COTL1: variants seen among roughly 807,000 people sequenced by gnomAD.
COTL1 encodes coactosin-like protein.
COTL1 carries 15 observed loss-of-function variants against 16.5 expected under a neutral mutation model. The ratio of observed to expected loss-of-function variants is 0.91; its 90% CI spans 0.61 to 1.40. COTL1 has a LOEUF of 1.40. Ranked by LOEUF, COTL1 falls within the 40% of genes most tolerant of loss-of-function variation. The pLI is 0.00. For synonymous variants in COTL1, 112 were observed against 85.3 expected (o/e 1.31, Z -1.73); for missense variants, 220 against 201.5 (o/e 1.09, Z -0.56).
At chr16:84,599,455 C>A (rs905300152) in intron 2 of COTL1, among the ~76,000 whole-genome samples, 1 of 152,194 alleles carries the variant, frequency 6.6e-6, no homozygotes, top group Non-Finnish European at 1.5e-5. Context: ...ACCCTAGAAA[C>A]TTTTTAGCGT....
chr16:84,601,951 T>C (rs931291357), intron 2 of COTL1, among the ~76,000 whole-genome samples: 1 of 152,156 alleles, frequency 6.6e-6, no homozygotes, highest in African/African-American at 2.4e-5. Flanking sequence ...GAAGGGCATA[T>C]GATGCAGCTG....
At chr16:84,581,423 C>A (rs1042778867) in intron 3 of COTL1, among the ~76,000 whole-genome samples, 3 of 152,200 alleles carry the variant, frequency 2.0e-5, no homozygotes, top group Non-Finnish European at 4.4e-5. Flanking sequence ...GGGGGAGCAG[C>A]AGCCTCGTAA....
Position 84,566,574 on chromosome 16 carries a change from T to C in COTL1, c.*271A>G. 2.5e-6 allele frequency: 1 copy of C among 392,408 alleles called. No individual in the cohort carries two copies. The allele number at this position is 392,408 out of a possible 1,614,324, so 24.3% of individuals were successfully genotyped here. A position where few individuals can be genotyped will look rare whatever the true frequency, so the allele number is the denominator to read the frequency against. Reference sequence around the variant, plus strand: ...ATCTGATGGCAGGCAGGACCTTGCATCAAAATGACTTTTCTTTAGAACAAA... The same window carrying C: ...ATCTGATGGCAGGCAGGACCTTGCACCAAAATGACTTTTCTTTAGAACAAA... On this transcript the variant is annotated 3_prime_UTR_variant, in exon 4 of 4. Coordinates refer to ENST00000262428, the MANE Select transcript of COTL1 (RefSeq NM_021149.5).
Position 84,590,149 on chromosome 16 carries a change from C to T in COTL1, c.274G>A (p.Ala92Thr), listed in dbSNP as rs767688568. The change falls in exon 3 of 4, where the codon GCC becomes ACC. Residue 92 changes from alanine (A) to threonine (T), a missense_variant. Physicochemically the swap from Ala to Thr is moderately conservative, Grantham distance 58. Coordinates refer to ENST00000262428, the MANE Select transcript of COTL1 (RefSeq NM_021149.5). The surrounding 1 kb of genome is among the most constrained non-coding windows in gnomAD (Gnocchi z 5.5). Reference sequence around the variant, plus strand: ...AGGGTCTTGTCCGTCCCGGTTTTGGCGCGCTGCAGCCCGCTGACGTTCTCA... The same window carrying T: ...AGGGTCTTGTCCGTCCCGGTTTTGGTGCGCTGCAGCCCGCTGACGTTCTCA... ...IGENVSGLQR[A>T]KTGTDKTLVK... 7.4e-6 allele frequency: 12 copies of T among 1,613,990 alleles called. No homozygotes were observed. The highest frequency in any genetic ancestry group is 2.2e-5 in the South Asian group (2 of 91,058).
At chr16:84,603,486 G>A (rs1255308808) in intron 2 of COTL1, among the ~76,000 whole-genome samples, 1 of 152,106 alleles carries the variant, frequency 6.6e-6, no homozygotes, top group Admixed American at 6.5e-5. Context: ...CCTCCCCCTG[G>A]AGGTCTCCTC....
At chr16:84,612,743 A>G (rs796906296) in intron 2 of COTL1, among the ~76,000 whole-genome samples, 1 of 152,164 alleles carries the variant, frequency 6.6e-6, no homozygotes, top group Admixed American at 6.5e-5. Flanking sequence ...TGGGCGACAG[A>G]GAAAAACTTT....
At chr16:84,614,753 G>C (rs1433600727) in intron 2 of COTL1, among the ~76,000 whole-genome samples, 2 of 152,160 alleles carry the variant, frequency 1.3e-5, no homozygotes, top group African/African-American at 4.8e-5. Context: ...CAGGATACCT[G>C]GCAGGGAACT....
At chr16:84,591,830 A>ATAACATAACATAAC (rs1904874620) in intron 2 of COTL1, among the ~76,000 whole-genome samples, 1 of 89,422 alleles carries the variant, frequency 1.1e-5, no homozygotes, top group African/African-American at 6.1e-5. Flanking sequence ...TCTCAAATAA[A>ATAACATAACATAAC]ATAAAATAAA....
At chr16:84,585,353 CAAAAA>C (rs5818498) in intron 3 of COTL1, among the ~76,000 whole-genome samples, 1 of 127,012 alleles carries the variant, frequency 7.9e-6, no homozygotes, top group Non-Finnish European at 1.7e-5. Context: ...AGATTGTCTC[CAAAAA>C]AAAAAAAAAA....
chr16:84,591,634 TAAAAAAAAAAAAA>T (rs372775821), intron 2 of COTL1, among the ~76,000 whole-genome samples: 12 of 75,196 alleles, frequency 1.6e-4, no homozygotes, highest in Non-Finnish European at 2.6e-4. Flanking sequence ...ATCACCTCTC[TAAAAAAAAAAAAA>T]AAAAAAAAAA....
At chr16:84,574,985 G>A (rs1904420377) in intron 3 of COTL1, among the ~76,000 whole-genome samples, 1 of 152,140 alleles carries the variant, frequency 6.6e-6, no homozygotes, top group Admixed American at 6.5e-5. Flanking sequence ...TGCCACGCTG[G>A]ATTTTAAAGT....
At chr16:84,584,268 G>A (rs935472501) in intron 3 of COTL1, among the ~76,000 whole-genome samples, 1 of 152,246 alleles carries the variant, frequency 6.6e-6, no homozygotes, top group Non-Finnish European at 1.5e-5. Context: ...AGCCCCTGCT[G>A]CCCCGTGGCC....
intron 2 of COTL1, among the ~76,000 whole-genome samples, chr16:84,601,813 G>C (rs1597181953): frequency 1.3e-5 from 2 of 152,304 alleles, no homozygotes; most frequent in Middle Eastern, 6.8e-3. Context: ...AGGACAAAGA[G>C]GGTTCTTGTT....
chr16:84,589,093 C>G (rs1904800793), intron 3 of COTL1, among the ~76,000 whole-genome samples: 1 of 152,130 alleles, frequency 6.6e-6, no homozygotes, highest in South Asian at 2.1e-4. Flanking sequence ...GCCTCAGCCT[C>G]CCAAGTAGCT....
intron 3 of COTL1, among the ~76,000 whole-genome samples, chr16:84,571,357 T>G (rs561947518): frequency 6.6e-6 from 1 of 152,308 alleles, no homozygotes; most frequent in African/African-American, 2.4e-5. Flanking sequence ...CATGGCCTCA[T>G]AGACAGCAGG....
In COTL1 at chr16:84,590,022, G is replaced by C; in HGVS notation, c.318+83C>G. The stretch of plus-strand genomic sequence containing the variant: ...AGTCACAGCTAAGCTACAGACCCAG[G>C]AGTCGAACCCAGCCCTCTCCCTCCT... On this transcript the variant is annotated intron_variant, in intron 3 of 3. Coordinates refer to ENST00000262428, the MANE Select transcript of COTL1 (RefSeq NM_021149.5). This position sits in a 1 kb window ranked among gnomAD's most constrained non-coding sequence, Gnocchi z 5.5. 7.1e-7 allele frequency: 1 copy of C among 1,414,870 alleles called. No individual in the cohort carries two copies. Among genetic ancestry groups the C allele is most frequent in the Non-Finnish European group, 9.7e-7 (1 of 1,027,820 alleles). The allele number at this position is 1,414,870 out of a possible 1,614,324, so 87.6% of individuals were successfully genotyped here.
intron 2 of COTL1, among the ~76,000 whole-genome samples, chr16:84,609,472 A>G (rs534160781): frequency 1.3e-5 from 2 of 152,352 alleles, no homozygotes; most frequent in South Asian, 4.1e-4. Context: ...GGCCTCCTTC[A>G]ATCCTTTCTT....
intron 3 of COTL1, among the ~76,000 whole-genome samples, chr16:84,583,599 G>A (rs1193046142): frequency 6.6e-6 from 1 of 152,154 alleles, no homozygotes; most frequent in Non-Finnish European, 1.5e-5. Flanking sequence ...TGGGACAACA[G>A]GCATGCGACA....
chr16:84,605,100 A>C (rs1346672115), intron 2 of COTL1, among the ~76,000 whole-genome samples: 1 of 152,124 alleles, frequency 6.6e-6, no homozygotes, highest in Non-Finnish European at 1.5e-5. Flanking sequence ...AATGGCCTCT[A>C]AACAACAGTG....
Sources: allele counts gnomAD v4.1 joint callset (sites outside exome capture counted in the v4.1 genomes callset), GRCh38; gene constraint gnomAD v4.1.1; non-coding constraint Gnocchi (gnomAD v3.1); transcripts MANE v1.5; gene names NCBI Gene and HGNC (gene_info 2026-07-23, HGNC 2026-07-21).